The following ZNF276 variants were observed in gnomAD, a reference collection of about 807,000 sequenced individuals.
The protein encoded by ZNF276 is centromere protein Z.
In ZNF276, 59 loss-of-function variants were observed where a neutral mutation model predicts 63.9. The observed-to-expected ratio is 0.92, with a 90% confidence interval of 0.75 to 1.15. ZNF276 has a LOEUF of 1.15. Among genes scored for constraint, ZNF276 ranks in the 50% most tolerant of loss-of-function variants. The pLI is 0.00. For missense variants in ZNF276, 1,084 were observed against 843.8 expected, an observed-to-expected ratio of 1.28 and a Z score of -3.53; for synonymous variants, 496 against 348.4, an observed-to-expected ratio of 1.42 and a Z score of -4.72.
At chr16:89,723,058 T>C in intron 2 of ZNF276, 79 bp from the exon 3 acceptor site, 1 of 1,610,996 alleles carries the variant, frequency 6.2e-7, no homozygotes, top group South Asian at 1.1e-5. Flanking sequence ...AGGTTTGAGA[T>C]CTCGAGAGGG....
At chr16:89,734,852 GAT>G (rs1364516978) in intron 9 of ZNF276, among the ~76,000 whole-genome samples, 3 of 152,254 alleles carry the variant, frequency 2.0e-5, no homozygotes, top group East Asian at 3.9e-4. Context: ...ATCCAACAAG[GAT>G]ATGTTTTCAA....
At chr16:89,730,988 G>C (rs1334492469) in intron 6 of ZNF276, among the ~76,000 whole-genome samples, 1 of 152,262 alleles carries the variant, frequency 6.6e-6, no homozygotes, top group African/African-American at 2.4e-5. Context: ...AGGCAGCAGT[G>C]AGGCCTGAGC....
At position 89,738,454 on chromosome 16, in the gene ZNF276, G is replaced by T; in HGVS notation, c.*208G>T. On this transcript the variant is annotated 3_prime_UTR_variant, in exon 11 of 11. Coordinates refer to ENST00000443381, the MANE Select transcript of ZNF276 (RefSeq NM_001113525.2). Reference sequence around the variant, plus strand: ...CGCAAACGCTGAGTGACTCGGGGCCGGACAGTTCATAAATAATTGATTCCT... The same window carrying T: ...CGCAAACGCTGAGTGACTCGGGGCCTGACAGTTCATAAATAATTGATTCCT... The T allele has an allele frequency of 1.4e-6, 2 of 1,407,564 alleles. No homozygotes were observed. The highest frequency in any genetic ancestry group is 9.8e-7 in the Non-Finnish European group (1 of 1,024,784). The allele number at this position is 1,407,564 out of a possible 1,614,324, so 87.2% of individuals were successfully genotyped here.
chr16:89,733,038 C>T (rs112921073), intron 6 of ZNF276: 25 of 465,798 alleles, frequency 5.4e-5, no homozygotes, highest in African/African-American at 2.6e-4. Context: ...CCTGACCCTG[C>T]TGTACCCTGC....
Position 89,739,959 on chromosome 16 carries a change from C to T in ZNF276, c.*1713C>T. On this transcript the variant is annotated 3_prime_UTR_variant, in exon 11 of 11. Coordinates refer to ENST00000443381, the MANE Select transcript of ZNF276 (RefSeq NM_001113525.2). ...GCAAGATGCCTCTGAAAAGAGCGGC[C>T]CTCCGCATTTGTGCCTCAGCAGCGT... 2 of 1,612,146 alleles carry T rather than the reference C, an allele frequency of 1.2e-6. No homozygotes were observed. The highest frequency in any genetic ancestry group is 1.1e-5 in the South Asian group (1 of 91,054).
chr16:89,728,517 C>G (rs2061540505), intron 5 of ZNF276, among the ~76,000 whole-genome samples: 2 of 152,206 alleles, frequency 1.3e-5, no homozygotes, highest in South Asian at 4.1e-4. Context: ...CATTCTCCGG[C>G]CTCAGCCTCT....
rs578050384 is a variant in ZNF276 at position 89,740,924 on chromosome 16, A to G, written c.*2678A>G. On this transcript the variant is annotated 3_prime_UTR_variant, in exon 11 of 11. Coordinates refer to ENST00000443381, the MANE Select transcript of ZNF276 (RefSeq NM_001113525.2). ...TAAAATTACCTGTGCTGTCATTCTAAATAAGGCTGACACATTCCTCTTTAA... is the reference window on the plus strand; with the variant it reads ...TAAAATTACCTGTGCTGTCATTCTAGATAAGGCTGACACATTCCTCTTTAA... 2.4e-5 allele frequency: 35 copies of G among 1,449,382 alleles called. No homozygotes were observed. The East Asian group carries it at 8.3e-4, about 34-fold the overall frequency. 89.8% of individuals were successfully genotyped at this position (1,449,382 alleles called of 1,614,324 possible). A position where few individuals can be genotyped will look rare whatever the true frequency, so the allele number is the denominator to read the frequency against.
rs374649848 is a variant in ZNF276 at position 89,739,526 on chromosome 16, C to A, written c.*1280C>A. 3.9e-6 allele frequency: 6 copies of A among 1,551,202 alleles called. No homozygotes were observed. The highest frequency in any genetic ancestry group is 3.5e-6 in the Non-Finnish European group (4 of 1,147,066). Reference sequence around the variant, plus strand: ...CCTGGTGTGCTGATCCGGGGCCACACGGAGGAGGAGCCGCCCCAGCCTGAG... The same window carrying A: ...CCTGGTGTGCTGATCCGGGGCCACAAGGAGGAGGAGCCGCCCCAGCCTGAG... On this transcript the variant is annotated 3_prime_UTR_variant, in exon 11 of 11. Transcript: ENST00000443381.
chr16:89,723,557 C>A lies in ZNF276; in HGVS notation c.854C>A (p.Thr285Asn), dbSNP rs1183914789. 1.4e-5 allele frequency: 22 copies of A among 1,612,710 alleles called. No individual in the cohort carries two copies. The highest frequency in any genetic ancestry group is 1.9e-5 in the Non-Finnish European group (22 of 1,179,998). Residue 285 changes from threonine to asparagine, a missense_variant, in exon 4 of 11, where the codon ACC (threonine) becomes AAC (asparagine). Coordinates refer to ENST00000443381, the MANE Select transcript of ZNF276 (RefSeq NM_001113525.2). ...RGWNPGDAPQ[T>N]SQGRGTGTPV... is the part of the protein sequence containing the mutation. ...TGGAACCCTGGGGATGCCCCTCAGACCTCCCAGGGTAGAGGGACAGGGACC... is the reference window on the plus strand; with the variant it reads ...TGGAACCCTGGGGATGCCCCTCAGAACTCCCAGGGTAGAGGGACAGGGACC...
At chr16:89,736,114 A>G (rs1567584919) in intron 9 of ZNF276, among the ~76,000 whole-genome samples, 1 of 152,032 alleles carries the variant, frequency 6.6e-6, no homozygotes. Context: ...GCTGGTCTCA[A>G]TCTCCTGACC....
rs761333720 is a variant in ZNF276, at chr16:89,734,025, G to A, written c.1461G>A (p.Lys487=). ...ACCGCTACCTGCAGCGCCACGTGAA[G>A]CTCATCCACACAGGTACGCCTATCG... ...MIDRYLQRHV[K]LIHTEVRNYI... Residue 487 remains lysine (K), a synonymous_variant, in exon 9 of 11, where the codon AAG becomes AAA. Transcript: ENST00000443381. 2 of 1,614,020 alleles carry A rather than the reference G, an allele frequency of 1.2e-6. No individual in the cohort carries two copies. The highest frequency in any genetic ancestry group is 1.3e-5 in the African/African-American group (1 of 75,074).
In ZNF276 at chr16:89,722,810, CTG is replaced by C. The variant is rs1287628488; in HGVS notation, c.486_487del (p.Gly163SerfsTer126). ...CTGCAGAGGGTCAACGCCTCCCCGG[CTG>C]GTCGCCGGAAGCCTTGTGCAAAGTA... On this transcript the variant is annotated frameshift_variant, in exon 2 of 11. Transcript: ENST00000443381. LOFTEE classifies it high-confidence loss of function. 1.9e-6 allele frequency: 3 copies of C among 1,604,438 alleles called. No homozygotes were observed. The highest frequency in any genetic ancestry group is 4.5e-5 in the East Asian group (2 of 44,880).
At chr16:89,721,064 G>A (rs1277161743), upstream of ZNF276, 14 of 410,818 alleles carry the variant, frequency 3.4e-5, no homozygotes, top group Admixed American at 5.8e-4. Flanking sequence ...AGTCCGGGTG[G>A]GTTGTCGCGA....
intron 4 of ZNF276, among the ~76,000 whole-genome samples, chr16:89,724,053 G>A (rs1414315637): frequency 6.6e-6 from 1 of 152,266 alleles, no homozygotes; most frequent in Non-Finnish European, 1.5e-5. Context: ...GGATGTGGGA[G>A]AAAAGAATGG....
In ZNF276 at chr16:89,736,634, A is replaced by C. The variant is rs542762632; in HGVS notation, c.1475-1172A>C. On this transcript the variant is annotated intron_variant, in intron 9 of 10. Transcript: ENST00000443381. The stretch of plus-strand genomic sequence containing the variant: ...GTGTAAGCCACTGCACCGGCCCCCC[A>C]AATTTTTTAAATTACCTGGGTGTGG... 2.0e-5 allele frequency among the ~76,000 whole-genome samples: 3 copies of C among 151,872 alleles called. No individual in the cohort carries two copies. The South Asian group carries it at 6.2e-4, about 32-fold the overall frequency.
chr16:89,740,224 A>C lies in ZNF276; in HGVS notation c.*1978A>C. 1 of 852,418 alleles carries C rather than the reference A, an allele frequency of 1.2e-6. No individual in the cohort carries two copies. Among genetic ancestry groups the C allele is most frequent in the South Asian group, 1.3e-5 (1 of 74,618 alleles). 52.8% of individuals were successfully genotyped at this position (852,418 alleles called of 1,614,324 possible). A position where few individuals can be genotyped will look rare whatever the true frequency, so the allele number is the denominator to read the frequency against. Reference sequence around the variant, plus strand: ...CTTATTGTAAGTCTTAAAACTGGTGACAGTTTTACCTATAGAAGGTAATAC... The same window carrying C: ...CTTATTGTAAGTCTTAAAACTGGTGCCAGTTTTACCTATAGAAGGTAATAC... On this transcript the variant is annotated 3_prime_UTR_variant, in exon 11 of 11. Coordinates refer to ENST00000443381, the MANE Select transcript of ZNF276 (RefSeq NM_001113525.2).
chr16:89,736,059 T>C (rs2061868127), intron 9 of ZNF276, among the ~76,000 whole-genome samples: 1 of 151,902 alleles, frequency 6.6e-6, no homozygotes, highest in African/African-American at 2.4e-5. Context: ...ACCCAACTAA[T>C]TTTTCGTATT....
chr16:89,732,892 C>T (rs2061712219), intron 6 of ZNF276: 3 of 288,470 alleles, frequency 1.0e-5, no homozygotes, highest in African/African-American at 6.9e-5. Flanking sequence ...CCGCTGTACC[C>T]TGCGCCCTCG....
chr16:89,733,338 G>GAAGT lies in ZNF276; in HGVS notation c.1207_1210dup (p.Ser404Ter), dbSNP rs770212544. 1 of 1,614,166 alleles carries GAAGT rather than the reference G, an allele frequency of 6.2e-7. No individual in the cohort carries two copies. The highest frequency in any genetic ancestry group is 8.5e-7 in the Non-Finnish European group (1 of 1,180,042). On this transcript the variant is annotated frameshift_variant, in exon 7 of 11. Transcript: ENST00000443381. LOFTEE classifies it high-confidence loss of function. ...AGAAGAGTGAAAGCAAAGAAGCCAA[G>GAAGT]AAGTCTGAAGAACCAAGAATTCGGA...
Sources: allele counts gnomAD v4.1 joint callset (sites outside exome capture counted in the v4.1 genomes callset), GRCh38; gene constraint gnomAD v4.1.1; transcripts MANE v1.5; gene names NCBI Gene and HGNC (gene_info 2026-07-23, HGNC 2026-07-21).